ADAMTSL3: variants seen among roughly 807,000 people sequenced by gnomAD.
The protein encoded by ADAMTSL3 is ADAMTS-like protein 3.
ADAMTSL3 carries 128 observed loss-of-function variants against 201.7 expected under a neutral mutation model. The observed-to-expected ratio is 0.63, with a 90% confidence interval of 0.55 to 0.73. The LOEUF is 0.73. Among genes scored for constraint, ADAMTSL3 ranks in the 30% least tolerant of loss-of-function variants. The pLI, the probability that ADAMTSL3 is intolerant of heterozygous loss-of-function variation, is 0.00. For missense variants in ADAMTSL3, 1,990 were observed against 2,119.6 expected, an observed-to-expected ratio of 0.94 and a Z score of 1.20; for synonymous variants, 738 against 748.4, an observed-to-expected ratio of 0.99 and a Z score of 0.23.
At chr15:83,848,673 T>C (rs2064550394) in intron 7 of ADAMTSL3, among the ~76,000 whole-genome samples, 1 of 152,226 alleles carries the variant, frequency 6.6e-6, no homozygotes, top group Non-Finnish European at 1.5e-5. Flanking sequence ...CTGGTTCTAA[T>C]GCTTAGGAGC....
Position 83,822,561 on chromosome 15 carries a change from G to A in ADAMTSL3, c.600+2514G>A, listed in dbSNP as rs1317223251. 6.0e-5 allele frequency among the ~76,000 whole-genome samples: 9 copies of A among 149,250 alleles called. No homozygotes were observed. In the East Asian group the frequency reaches 1.6e-3, roughly 27 times the overall value. Reference sequence around the variant, plus strand: ...GCGCTCCTCACATCCCAGACGGGGCGGCGGGGCAGAGGCGCTCCCCACATC... The same window carrying A: ...GCGCTCCTCACATCCCAGACGGGGCAGCGGGGCAGAGGCGCTCCCCACATC... On this transcript the variant is annotated intron_variant, in intron 6 of 29. Coordinates refer to ENST00000286744, the MANE Select transcript of ADAMTSL3 (RefSeq NM_207517.3).
At chr15:83,852,895 C>T (rs1039549009) in intron 7 of ADAMTSL3, among the ~76,000 whole-genome samples, 1 of 152,032 alleles carries the variant, frequency 6.6e-6, no homozygotes, top group Non-Finnish European at 1.5e-5. Flanking sequence ...CTCACTCTGT[C>T]GCCCAGGCTG....
At chr15:83,884,792 G>T (rs1380457759) in intron 9 of ADAMTSL3, among the ~76,000 whole-genome samples, 1 of 152,048 alleles carries the variant, frequency 6.6e-6, no homozygotes, top group Non-Finnish European at 1.5e-5. Context: ...CAATGTTTCA[G>T]GAAGAAAGAC....
intron 2 of ADAMTSL3, among the ~76,000 whole-genome samples, chr15:83,660,388 G>T (rs2061146482): frequency 6.6e-6 from 1 of 152,156 alleles, no homozygotes; most frequent in South Asian, 2.1e-4. Context: ...CAGGGTTCAG[G>T]GAACTTTCTC....
intron 29 of ADAMTSL3, 144 bp from the exon 30 acceptor site, chr15:84,037,556 T>A: frequency 2.3e-6 from 2 of 871,382 alleles, no homozygotes; most frequent in Non-Finnish European, 3.4e-6. Context: ...CTTCTGACTC[T>A]CATGCAAAAC....
chr15:83,913,038 C>G (rs1377338860), intron 15 of ADAMTSL3, 54 bp from the exon 16 acceptor site: 17 of 1,569,146 alleles, frequency 1.1e-5, no homozygotes, highest in Non-Finnish European at 1.5e-5. Flanking sequence ...CTTTTCTGGC[C>G]TATATTTAAT....
intron 2 of ADAMTSL3, among the ~76,000 whole-genome samples, chr15:83,666,179 T>G (rs1567059086): frequency 6.6e-6 from 1 of 152,142 alleles, no homozygotes; most frequent in Non-Finnish European, 1.5e-5. Flanking sequence ...AAATTTAATA[T>G]TATGAGGAGT....
intron 8 of ADAMTSL3, among the ~76,000 whole-genome samples, chr15:83,868,874 A>C (rs17158593): frequency 0.18 from 27,523 of 152,082 alleles, 3,128 homozygotes; most frequent in East Asian, 0.34. Context: ...ATCAAAACCA[A>C]GTTAACAAAA....
At chr15:83,826,758 G>A (rs886250879) in intron 6 of ADAMTSL3, among the ~76,000 whole-genome samples, 2 of 150,642 alleles carry the variant, frequency 1.3e-5, no homozygotes, top group Admixed American at 6.7e-5. Flanking sequence ...AGAACATGCG[G>A]TGTTTGGTTT....
chr15:83,791,984 A>G (rs2063352495), intron 4 of ADAMTSL3, among the ~76,000 whole-genome samples: 2 of 152,236 alleles, frequency 1.3e-5, no homozygotes, highest in South Asian at 4.1e-4. Flanking sequence ...ATTATTTTAC[A>G]CATGACCCCA....
intron 7 of ADAMTSL3, among the ~76,000 whole-genome samples, chr15:83,851,525 C>T (rs972619241): frequency 6.6e-6 from 1 of 152,130 alleles, no homozygotes; most frequent in East Asian, 1.9e-4. Context: ...GAGAGCCCAA[C>T]CAATATGCCC....
chr15:83,998,373 C>T (rs1012468119), intron 23 of ADAMTSL3, among the ~76,000 whole-genome samples: 2 of 152,078 alleles, frequency 1.3e-5, no homozygotes, highest in South Asian at 2.1e-4. Context: ...TGCTTGAACC[C>T]GAGAGGCGGA....
chr15:83,927,139 C>T (rs1337548875), intron 17 of ADAMTSL3, among the ~76,000 whole-genome samples: 4 of 149,356 alleles, frequency 2.7e-5, no homozygotes, highest in East Asian at 2.0e-4. Context: ...TTTTTTGAGA[C>T]GGAGTCTCAC....
intron 23 of ADAMTSL3, among the ~76,000 whole-genome samples, chr15:84,004,705 A>G (rs2067861253): frequency 6.6e-6 from 1 of 152,188 alleles, no homozygotes; most frequent in South Asian, 2.1e-4. Flanking sequence ...CCAACAATTG[A>G]TGCCTCAGTG....
intron 2 of ADAMTSL3, among the ~76,000 whole-genome samples, chr15:83,684,977 T>G (rs528128998): frequency 1.3e-5 from 2 of 152,338 alleles, no homozygotes; most frequent in South Asian, 4.1e-4. Flanking sequence ...TTAAGAATCC[T>G]AGTTGTACCA....
intron 9 of ADAMTSL3, among the ~76,000 whole-genome samples, chr15:83,878,270 A>G (rs2065212572): frequency 1.3e-5 from 2 of 152,204 alleles, no homozygotes; most frequent in African/African-American, 4.8e-5. Flanking sequence ...TGTTAAACCA[A>G]CTGTATCTTC....
intron 3 of ADAMTSL3, among the ~76,000 whole-genome samples, chr15:83,709,400 G>T (rs974126875): frequency 1.3e-5 from 2 of 152,208 alleles, no homozygotes; most frequent in African/African-American, 4.8e-5. Context: ...TGTGGTTTCA[G>T]TTACTAGCCA....
intron 20 of ADAMTSL3, among the ~76,000 whole-genome samples, chr15:83,970,848 TAAC>T (rs2142124502): frequency 6.6e-6 from 1 of 152,338 alleles, no homozygotes; most frequent in African/African-American, 2.4e-5. Flanking sequence ...TCCGCCCACT[TAAC>T]AAATGCATCT....
chr15:83,907,873 A>G (rs753423247), intron 15 of ADAMTSL3, among the ~76,000 whole-genome samples: 1 of 152,188 alleles, frequency 6.6e-6, no homozygotes, highest in Non-Finnish European at 1.5e-5. Flanking sequence ...ATAATGATTT[A>G]TTTTCCTATG....
Sources: allele counts gnomAD v4.1 joint callset (sites outside exome capture counted in the v4.1 genomes callset), GRCh38; gene constraint gnomAD v4.1.1; transcripts MANE v1.5; gene names NCBI Gene and HGNC (gene_info 2026-07-23, HGNC 2026-07-21).